Variants in KLHL1 observed in about 807,000 individuals in gnomAD.
KLHL1 encodes kelch-like protein 1.
KLHL1 carries 47 observed loss-of-function variants against 77.7 expected under a neutral mutation model. The observed-to-expected ratio is 0.60, with a 90% CI of 0.48 to 0.77. The LOEUF (loss-of-function observed/expected upper bound fraction) is 0.77. KLHL1 is among the 30% of genes least tolerant of loss of function. KLHL1 has a pLI of 0.00. For missense variants in KLHL1, 925 were observed against 910.8 expected (o/e 1.02, Z -0.20); for synonymous variants, 360 against 325.2 (o/e 1.11, Z -1.15).
intron 5 of KLHL1, among the ~76,000 whole-genome samples, chr13:69,855,325 T>G (rs570869995): frequency 7.6e-6 from 1 of 132,392 alleles, no homozygotes. Context: ...GATAGATAGA[T>G]AGATAGATAG....
At chr13:69,988,581 G>A (rs1884938579) in intron 1 of KLHL1, among the ~76,000 whole-genome samples, 1 of 152,096 alleles carries the variant, frequency 6.6e-6, no homozygotes, top group Non-Finnish European at 1.5e-5. Context: ...TCCACCAGTA[G>A]AGTGTAAGCA....
At chr13:69,873,616 T>G (rs1225202032) in intron 5 of KLHL1, among the ~76,000 whole-genome samples, 1 of 152,096 alleles carries the variant, frequency 6.6e-6, no homozygotes, top group African/African-American at 2.4e-5. Context: ...TTCTCTCACA[T>G]TCCAGACAAA....
chr13:70,083,820 T>A (rs1368895011), intron 1 of KLHL1, among the ~76,000 whole-genome samples: 3 of 152,166 alleles, frequency 2.0e-5, no homozygotes, highest in Non-Finnish European at 2.9e-5. Flanking sequence ...CTACATTGTA[T>A]ACATATATTT....
intron 6 of KLHL1, among the ~76,000 whole-genome samples, chr13:69,815,088 C>T (rs1362738737): frequency 6.6e-6 from 1 of 151,966 alleles, no homozygotes; most frequent in Non-Finnish European, 1.5e-5. Context: ...GAAGGGAATG[C>T]TTATATACTG....
chr13:69,856,534 A>G (rs1409590422), intron 5 of KLHL1, among the ~76,000 whole-genome samples: 2 of 152,012 alleles, frequency 1.3e-5, no homozygotes, highest in Non-Finnish European at 2.9e-5. Context: ...ACAATTCTCA[A>G]CACTACCCTC....
At chr13:70,082,237 C>T (rs1887409788) in intron 1 of KLHL1, among the ~76,000 whole-genome samples, 1 of 150,154 alleles carries the variant, frequency 6.7e-6, no homozygotes, top group East Asian at 2.0e-4. Context: ...TCAAGTATTT[C>T]TTTATAGCAG....
chr13:69,977,807 A>G (rs1884589548), intron 1 of KLHL1, among the ~76,000 whole-genome samples: 1 of 152,158 alleles, frequency 6.6e-6, no homozygotes, highest in Non-Finnish European at 1.5e-5. Context: ...ACAACAAAAA[A>G]CATTATTTTT....
At chr13:69,776,886 A>G (rs1345109710) in intron 7 of KLHL1, among the ~76,000 whole-genome samples, 1 of 152,124 alleles carries the variant, frequency 6.6e-6, no homozygotes, top group Non-Finnish European at 1.5e-5. Context: ...CATGTTTTCT[A>G]AAATCAAATC....
intron 7 of KLHL1, among the ~76,000 whole-genome samples, chr13:69,741,710 T>A (rs1873995011): frequency 6.6e-6 from 1 of 152,166 alleles, no homozygotes; most frequent in African/African-American, 2.4e-5. Context: ...TTAGAAAACT[T>A]ATAACTGTAA....
intron 7 of KLHL1, among the ~76,000 whole-genome samples, chr13:69,780,900 A>G (rs1876153050): frequency 6.6e-6 from 1 of 151,712 alleles, no homozygotes. Flanking sequence ...TTTCCCTGAC[A>G]CATGAGCATT....
At chr13:69,762,266 G>T (rs888449808) in intron 7 of KLHL1, among the ~76,000 whole-genome samples, 1 of 152,052 alleles carries the variant, frequency 6.6e-6, no homozygotes, top group African/African-American at 2.4e-5. Context: ...CTTGGTCAAA[G>T]GTATTGATGA....
intron 4 of KLHL1, among the ~76,000 whole-genome samples, chr13:69,905,565 C>G (rs1461097637): frequency 1.3e-5 from 2 of 151,828 alleles, no homozygotes; most frequent in East Asian, 3.9e-4. Context: ...ATTGATCTAG[C>G]CTATTGAGAA....
intron 5 of KLHL1, among the ~76,000 whole-genome samples, chr13:69,839,527 T>C (rs1879160145): frequency 6.6e-6 from 1 of 151,956 alleles, no homozygotes; most frequent in Admixed American, 6.6e-5. Flanking sequence ...TTATTGAAAA[T>C]AGACTTCAAC....
chr13:69,803,579 C>G (rs1036905313), intron 6 of KLHL1, among the ~76,000 whole-genome samples: 4 of 152,162 alleles, frequency 2.6e-5, no homozygotes, highest in Non-Finnish European at 5.9e-5. Flanking sequence ...GCATTGTTGA[C>G]TTTAAAATAG....
At chr13:69,990,248 A>C (rs894780890) in intron 1 of KLHL1, among the ~76,000 whole-genome samples, 1 of 152,030 alleles carries the variant, frequency 6.6e-6, no homozygotes, top group African/African-American at 2.4e-5. Context: ...GACCTTATAA[A>C]GCAACTACAC....
In KLHL1 at chr13:69,997,435, C is replaced by T. The variant is rs989696864; in HGVS notation, c.498-21633G>A. 1.3e-4 allele frequency among the ~76,000 whole-genome samples: 20 copies of T among 151,416 alleles called. No homozygotes were observed. The South Asian group carries it at 2.5e-3, about 19-fold the overall frequency. ...GATGTTCATCTTGCATAACTAAATA[C>T]TTATGTCCATTAAACAGCTACTCCC... On this transcript the variant is annotated intron_variant, in intron 1 of 10. Transcript: ENST00000377844.
intron 1 of KLHL1, among the ~76,000 whole-genome samples, chr13:70,090,340 A>C (rs1887643234): frequency 6.6e-6 from 1 of 152,038 alleles, no homozygotes; most frequent in Non-Finnish European, 1.5e-5. Context: ...AGAAGTACTG[A>C]GTTTGAGGGC....
rs116383398 is a variant in KLHL1, at chr13:69,713,462, T to A, written c.2016-5666A>T. Among the ~76,000 whole-genome samples the A allele has an allele frequency of 3.3e-3, 499 of 152,296 alleles. 5 individuals are homozygous for A. Among genetic ancestry groups the A allele is most frequent in the African/African-American group, 0.011 (474 of 41,582 alleles). On this transcript the variant is annotated intron_variant, in intron 9 of 10. Coordinates refer to ENST00000377844, the MANE Select transcript of KLHL1 (RefSeq NM_020866.3). Reference sequence around the variant, plus strand: ...ACAACATTAATTTATTTTTCAAGTTTGGTGAGCATTTTTTATAATGACTAG... The same window carrying A: ...ACAACATTAATTTATTTTTCAAGTTAGGTGAGCATTTTTTATAATGACTAG...
At chr13:70,026,756 G>T (rs1420845425) in intron 1 of KLHL1, among the ~76,000 whole-genome samples, 1 of 151,616 alleles carries the variant, frequency 6.6e-6, no homozygotes, top group Non-Finnish European at 1.5e-5. Context: ...GAGGGAGAGA[G>T]AGAGAGACAG....
Sources: gnomAD v4.1 joint callset for allele counts (sites outside exome capture counted in the v4.1 genomes callset) on GRCh38, gnomAD v4.1.1 for gene constraint, MANE v1.5 for transcripts, NCBI Gene and HGNC (gene_info 2026-07-23, HGNC 2026-07-21) for gene names.